The following FAM124A variants were observed in gnomAD, a reference collection of about 807,000 sequenced individuals.
The protein encoded by FAM124A is family with sequence similarity 124 member A.
Under a neutral mutation model 24.5 loss-of-function variants are expected in FAM124A, and 23 were observed. That is an observed-to-expected ratio of 0.94 (90% confidence interval 0.68 to 1.33). The LOEUF (loss-of-function observed/expected upper bound fraction) is 1.33. Ranked by LOEUF, FAM124A falls within the 40% of genes most tolerant of loss-of-function variation. The pLI, the probability that FAM124A is intolerant of heterozygous loss-of-function variation, is 0.00. For missense variants in FAM124A, 623 were observed against 722.8 expected, an observed-to-expected ratio of 0.86 and a Z score of 1.58; for synonymous variants, 287 against 314.7, an observed-to-expected ratio of 0.91 and a Z score of 0.93.
At chr13:51,261,705 TCCTAAGGGA>T (rs1954740587) in intron 3 of FAM124A, among the ~76,000 whole-genome samples, 1 of 152,232 alleles carries the variant, frequency 6.6e-6, no homozygotes, top group African/African-American at 2.4e-5. Flanking sequence ...GGGTTCCGTT[TCCTAAGGGA>T]GGTTTGGTGG....
chr13:51,270,708 C>T (rs1954832976), intron 3 of FAM124A, among the ~76,000 whole-genome samples: 1 of 152,204 alleles, frequency 6.6e-6, no homozygotes, highest in African/African-American at 2.4e-5. Flanking sequence ...TCTATAGTTA[C>T]TGTTTAGAAT....
rs1316622571 is a variant in FAM124A at position 51,280,442 on chromosome 13, C to T, written c.835-8C>T. On this transcript the variant is annotated splice_polypyrimidine_tract_variant and splice_region_variant and intron_variant, in intron 3 of 3. Coordinates refer to ENST00000322475, the MANE Select transcript of FAM124A (RefSeq NM_001242312.2). ...CTGCACTAATGTGATCTGCCTCTCCCCCCACAGGCACAAAGGGTGCATAAG... is the reference window on the plus strand; with the variant it reads ...CTGCACTAATGTGATCTGCCTCTCCTCCCACAGGCACAAAGGGTGCATAAG... 1 of 1,579,418 alleles carries T rather than the reference C, an allele frequency of 6.3e-7. No homozygotes were observed. Among genetic ancestry groups the T allele is most frequent in the Non-Finnish European group, 8.6e-7 (1 of 1,160,224 alleles).
chr13:51,236,033 G>A (rs1954431539), intron 2 of FAM124A, among the ~76,000 whole-genome samples: 1 of 152,058 alleles, frequency 6.6e-6, no homozygotes, highest in African/African-American at 2.4e-5. Context: ...TTCCTGCTCT[G>A]TCCCTCCAGT....
At chr13:51,276,332 T>C (rs1954885703) in intron 3 of FAM124A, among the ~76,000 whole-genome samples, 1 of 152,216 alleles carries the variant, frequency 6.6e-6, no homozygotes, top group Admixed American at 6.5e-5. Context: ...CTACCTGCCA[T>C]TCTATGCAGA....
chr13:51,263,835 T>C (rs901559512), intron 3 of FAM124A, among the ~76,000 whole-genome samples: 2 of 152,162 alleles, frequency 1.3e-5, no homozygotes, highest in Non-Finnish European at 2.9e-5. Flanking sequence ...GATCAGAAAG[T>C]AAATATAGCA....
In FAM124A at chr13:51,251,822, C is replaced by T. The variant is rs774696456; in HGVS notation, c.455C>T (p.Thr152Met). The T allele has an allele frequency of 2.5e-6, 4 of 1,603,170 alleles. No homozygotes were observed. Among genetic ancestry groups the T allele is most frequent in the Admixed American group, 1.7e-5 (1 of 58,258 alleles). The stretch of plus-strand genomic sequence containing the variant: ...CTGCCCTGCAGCCAGGACTTCTTCA[C>T]GCTGGCCCCTGGGACGCCGCTTTGG... Reference protein sequence around the residue: ...PYLPCSQDFFTLAPGTPLWAI... With the variant: ...PYLPCSQDFFMLAPGTPLWAI... The change falls in exon 3 of 4, where the codon ACG becomes ATG. Residue 152 changes from threonine (T) to methionine (M), a missense_variant. Transcript: ENST00000322475. The surrounding 1 kb of genome is among the most constrained non-coding windows in gnomAD (Gnocchi z 5.3).
intron 2 of FAM124A, among the ~76,000 whole-genome samples, chr13:51,247,193 G>A (rs1047316798): frequency 3.3e-5 from 5 of 152,218 alleles, no homozygotes; most frequent in Admixed American, 6.5e-5. Context: ...GGGGCCAGGC[G>A]GGAGCTGCCG....
intron 3 of FAM124A, among the ~76,000 whole-genome samples, chr13:51,259,228 T>G (rs2137689073): frequency 6.6e-6 from 1 of 152,276 alleles, no homozygotes; most frequent in South Asian, 2.1e-4. Flanking sequence ...TCCTCATTTC[T>G]GCCCTGGGCT....
intron 3 of FAM124A, among the ~76,000 whole-genome samples, chr13:51,276,056 G>A (rs1954883539): frequency 6.6e-6 from 1 of 152,218 alleles, no homozygotes; most frequent in Admixed American, 6.5e-5. Context: ...GAGCATGGTA[G>A]TTGTAAACTG....
intron 1 of FAM124A, among the ~76,000 whole-genome samples, chr13:51,223,712 A>T (rs1028223850): frequency 2.6e-5 from 4 of 152,140 alleles, no homozygotes; most frequent in African/African-American, 9.7e-5. Flanking sequence ...TGTTATCCAA[A>T]CTTATTCATA....
intron 2 of FAM124A, among the ~76,000 whole-genome samples, chr13:51,244,113 T>C (rs1954531053): frequency 6.6e-6 from 1 of 152,234 alleles, no homozygotes; most frequent in African/African-American, 2.4e-5. Flanking sequence ...CTTCACAGTC[T>C]GTTGGCCTCG....
intron 3 of FAM124A, among the ~76,000 whole-genome samples, chr13:51,263,108 G>C (rs1593605732): frequency 6.6e-6 from 1 of 152,218 alleles, no homozygotes; most frequent in Non-Finnish European, 1.5e-5. Flanking sequence ...GTGGTGTTCG[G>C]ACCAAGGGTG....
At chr13:51,235,493 T>C (rs1293187035) in intron 2 of FAM124A, among the ~76,000 whole-genome samples, 2 of 152,230 alleles carry the variant, frequency 1.3e-5, no homozygotes, top group African/African-American at 4.8e-5. Flanking sequence ...GAATTACTCT[T>C]AGAAGGTATT....
chr13:51,248,249 C>T (rs1954584418), intron 2 of FAM124A, among the ~76,000 whole-genome samples: 2 of 152,142 alleles, frequency 1.3e-5, no homozygotes, highest in Non-Finnish European at 2.9e-5. Context: ...TTCAGTTAAA[C>T]ATCACATCAG....
chr13:51,262,907 AG>A (rs1205812782), intron 3 of FAM124A, among the ~76,000 whole-genome samples: 1 of 152,232 alleles, frequency 6.6e-6, no homozygotes, highest in Non-Finnish European at 1.5e-5. Flanking sequence ...AGCTTTAAAA[AG>A]TTAGTGCCAC....
rs1317490312 is a variant in FAM124A at position 51,260,661 on chromosome 13, C to T, written c.834+8460C>T. Reference sequence around the variant, plus strand: ...GAAAACTGCCTACTTCCCAGTACTACAGATGGTAAGTGGTAGGACTGGAGT... The same window carrying T: ...GAAAACTGCCTACTTCCCAGTACTATAGATGGTAAGTGGTAGGACTGGAGT... On this transcript the variant is annotated intron_variant, in intron 3 of 3. Transcript: ENST00000322475. Among the ~76,000 whole-genome samples, 5 of 152,148 alleles carry T rather than the reference C, an allele frequency of 3.3e-5. No homozygotes were observed. In the East Asian group the frequency reaches 9.6e-4, roughly 29 times the overall value.
At chr13:51,225,093 T>A (rs1351794362) in intron 1 of FAM124A, 2 of 152,176 alleles carry the variant, frequency 1.3e-5, no homozygotes. Flanking sequence ...TGAATTTGTA[T>A]GAGAAGAGAA....
chr13:51,276,132 G>A (rs1954884369), intron 3 of FAM124A, among the ~76,000 whole-genome samples: 1 of 152,160 alleles, frequency 6.6e-6, no homozygotes, highest in Non-Finnish European at 1.5e-5. Context: ...GTCTTGTAGA[G>A]CTTGCCAAGG....
chr13:51,265,682 G>A (rs1377015220), intron 3 of FAM124A, among the ~76,000 whole-genome samples: 1 of 152,036 alleles, frequency 6.6e-6, no homozygotes, highest in Non-Finnish European at 1.5e-5. Context: ...TATCACCGCC[G>A]CCACCACCAT....
Sources: allele counts gnomAD v4.1 joint callset (sites outside exome capture counted in the v4.1 genomes callset), GRCh38; gene constraint gnomAD v4.1.1; non-coding constraint Gnocchi (gnomAD v3.1); transcripts MANE v1.5; gene names NCBI Gene and HGNC (gene_info 2026-07-23, HGNC 2026-07-21).